IQCE: variants seen among roughly 807,000 people sequenced by gnomAD.
IQCE encodes IQ motif containing E, also known as IQ domain-containing protein E.
IQCE carries 115 observed loss-of-function variants against 96.0 expected under a neutral mutation model. The observed-to-expected ratio is 1.20, with a 90% CI of 1.03 to 1.40. The LOEUF is 1.40. Ranked by LOEUF, IQCE falls within the 40% of genes most tolerant of loss-of-function variation. The pLI, the probability that IQCE is intolerant of heterozygous loss-of-function variation, is 0.00. For synonymous variants in IQCE, 412 were observed against 371.2 expected (o/e 1.11, Z -1.26); for missense variants, 1,041 against 909.1 (o/e 1.15, Z -1.87).
Position 2,582,008 on chromosome 7 carries a change from G to A in IQCE, c.631-572G>A, listed in dbSNP as rs148478570. The A allele has an allele frequency of 1.5e-3, 685 of 462,252 alleles. 7 individuals are homozygous for A. The highest frequency in any genetic ancestry group is 0.013 in the African/African-American group (630 of 49,886). The allele number at this position is 462,252 out of a possible 1,614,324, so 28.6% of individuals were successfully genotyped here. On this transcript the variant is annotated intron_variant, in intron 8 of 21. Transcript: ENST00000402050. ...ATTACAGGCGTGAGCCACCGCGCCC[G>A]GCAAAAGAATGTTCTTTAAAGAATA...
intron 16 of IQCE, among the ~76,000 whole-genome samples, chr7:2,595,580 C>T (rs1783965323): frequency 6.6e-6 from 1 of 152,198 alleles, no homozygotes; most frequent in Non-Finnish European, 1.5e-5. Context: ...CAGCTAGTCG[C>T]GGCGGCGTCT....
At chr7:2,576,161 T>C (rs1297734563) in intron 6 of IQCE, among the ~76,000 whole-genome samples, 3 of 152,202 alleles carry the variant, frequency 2.0e-5, no homozygotes, top group African/African-American at 4.8e-5. Context: ...GCATTCCAGA[T>C]TGTCTTTTGC....
intron 5 of IQCE, chr7:2,572,843 C>T (rs535656652): frequency 4.0e-5 from 17 of 424,066 alleles, no homozygotes; most frequent in African/African-American, 6.2e-5. Flanking sequence ...CGTGCCCGGC[C>T]TCTCTCTTTA....
At chr7:2,591,195 G>A (rs541374517) in intron 14 of IQCE, among the ~76,000 whole-genome samples, 11 of 152,094 alleles carry the variant, frequency 7.2e-5, no homozygotes, top group African/African-American at 2.4e-4. Flanking sequence ...CGAGGCTGCC[G>A]TGAGCTATAA....
At chr7:2,579,620 A>G (rs1782495656) in intron 8 of IQCE, among the ~76,000 whole-genome samples, 1 of 152,196 alleles carries the variant, frequency 6.6e-6, no homozygotes, top group Admixed American at 6.5e-5. Context: ...CTAGGACGGC[A>G]CAAAGTAAAT....
intron 16 of IQCE, 58 bp downstream of exon 16, chr7:2,595,034 G>C: frequency 8.3e-7 from 1 of 1,205,188 alleles, no homozygotes; most frequent in Non-Finnish European, 1.2e-6. Flanking sequence ...TGGTCGTGAC[G>C]GTTCTGACCG....
rs868784030 is a variant in IQCE at position 2,598,687 on chromosome 7, G to T, written c.1608+55G>T. ...TCCCTGTGAGTCTTCGTGCTCCAAGGCAAGCCACTCACTCTCCAGGAATGA... is the reference window on the plus strand; with the variant it reads ...TCCCTGTGAGTCTTCGTGCTCCAAGTCAAGCCACTCACTCTCCAGGAATGA... On this transcript the variant is annotated intron_variant, in intron 17 of 21. Transcript: ENST00000402050. The T allele has an allele frequency of 3.5e-6, 5 of 1,408,786 alleles. No homozygotes were observed. The South Asian group carries it at 8.0e-5, about 23-fold the overall frequency. The allele number at this position is 1,408,786 out of a possible 1,614,324, so 87.3% of individuals were successfully genotyped here.
At position 2,586,006 on chromosome 7, in the gene IQCE, G is replaced by T. The variant is rs75584436; in HGVS notation, c.825-202G>T. 3.7e-3 allele frequency among the ~76,000 whole-genome samples: 419 copies of T among 114,312 alleles called. 5 individuals carry two copies. The highest frequency in any genetic ancestry group is 0.012 in the African/African-American group (386 of 32,026). 75.0% of individuals were successfully genotyped at this position (114,312 alleles called of 152,430 possible). ...ACACAGGTTTACCTTGCATAAGGAT[G>T]GGGTTCCATTTTGGGTGCTAACATT... On this transcript the variant is annotated intron_variant, in intron 11 of 21. Coordinates refer to ENST00000402050, the MANE Select transcript of IQCE (RefSeq NM_152558.5).
At position 2,596,480 on chromosome 7, in the gene IQCE, C is replaced by G. The variant is rs1328504575; in HGVS notation, c.1440+1504C>G. On this transcript the variant is annotated intron_variant, in intron 16 of 21. Coordinates refer to ENST00000402050, the MANE Select transcript of IQCE (RefSeq NM_152558.5). Reference sequence around the variant, plus strand: ...GCATGTATTAGCTTTGTGTTATTTTCCTACTCAGGAAACATTTCTATTTTA... The same window carrying G: ...GCATGTATTAGCTTTGTGTTATTTTGCTACTCAGGAAACATTTCTATTTTA... Among the ~76,000 whole-genome samples, 4 of 144,896 alleles carry G rather than the reference C, an allele frequency of 2.8e-5. No individual in the cohort carries two copies. The Admixed American group carries it at 2.8e-4, about 10-fold the overall frequency.
rs1164853724 is a variant in IQCE, at chr7:2,573,303, TTTC to T, written c.395-109_395-107del. 4.7e-6 allele frequency: 3 copies of T among 635,760 alleles called. No homozygotes were observed. The South Asian group carries it at 5.4e-5, about 11-fold the overall frequency. The allele number at this position is 635,760 out of a possible 1,614,324, so 39.4% of individuals were successfully genotyped here. The stretch of plus-strand genomic sequence containing the variant: ...CATGGAATTATTTTGGCTTTTTTAT[TTTC>T]TTCTTTTTTAAAAGGAAATGTTACT... On this transcript the variant is annotated intron_variant, in intron 5 of 21. Coordinates refer to ENST00000402050, the MANE Select transcript of IQCE (RefSeq NM_152558.5).
chr7:2,597,450 C>T (rs1025005153), intron 16 of IQCE, among the ~76,000 whole-genome samples: 2 of 152,256 alleles, frequency 1.3e-5, no homozygotes, highest in African/African-American at 4.8e-5. Flanking sequence ...CAGAGCAAGC[C>T]GTTCTGTGTT....
At chr7:2,577,335 T>G (rs1022675940) in intron 6 of IQCE, among the ~76,000 whole-genome samples, 5 of 125,950 alleles carry the variant, frequency 4.0e-5, no homozygotes, top group Non-Finnish European at 9.5e-5. Context: ...CGTATACACA[T>G]TGGCGTGTGC....
rs763769023 is a variant in IQCE at position 2,577,467 on chromosome 7, CT to C, written c.466-774del. Among the ~76,000 whole-genome samples the C allele has an allele frequency of 1.4e-3, 93 of 67,998 alleles. 1 individual carries two copies. Among genetic ancestry groups the C allele is most frequent in the Middle Eastern group, 0.012 (1 of 84 alleles). 44.6% of individuals were successfully genotyped at this position (67,998 alleles called of 152,430 possible). On this transcript the variant is annotated intron_variant, in intron 6 of 21. Coordinates refer to ENST00000402050, the MANE Select transcript of IQCE (RefSeq NM_152558.5). ...ATGTACTTGGCTGTGCGCGCGGGGA[CT>C]GTGTGCGGCGTATACGCATTGGCGT...
At chr7:2,607,797 G>C (rs1381083244) in intron 21 of IQCE, among the ~76,000 whole-genome samples, 1 of 152,208 alleles carries the variant, frequency 6.6e-6, no homozygotes, top group Non-Finnish European at 1.5e-5. Context: ...TTGAGATCCC[G>C]TGTCTTATCC....
At chr7:2,561,490 G>A (rs1251594151) in intron 1 of IQCE, among the ~76,000 whole-genome samples, 1 of 147,894 alleles carries the variant, frequency 6.8e-6, no homozygotes, top group Non-Finnish European at 1.5e-5. Context: ...GCGCGATCTC[G>A]GCTCACTGCA....
At chr7:2,580,656 T>G (rs1341285877) in intron 8 of IQCE, among the ~76,000 whole-genome samples, 1 of 151,586 alleles carries the variant, frequency 6.6e-6, no homozygotes, top group Non-Finnish European at 1.5e-5. Context: ...ATAGAGATAC[T>G]GTGGGAAATA....
At chr7:2,588,734 G>A (rs915973778) in intron 13 of IQCE, among the ~76,000 whole-genome samples, 15 of 128,946 alleles carry the variant, frequency 1.2e-4, no homozygotes, top group Non-Finnish European at 1.7e-4. Context: ...GCGTAATCTC[G>A]GCTCACTGCA....
intron 16 of IQCE, among the ~76,000 whole-genome samples, chr7:2,597,665 A>G (rs1355421432): frequency 6.6e-6 from 1 of 152,120 alleles, no homozygotes; most frequent in Non-Finnish European, 1.5e-5. Context: ...TAGAAATCAT[A>G]ATTTTTCTTT....
intron 16 of IQCE, 65 bp from the exon 17 acceptor site, chr7:2,598,400 C>T: frequency 1.4e-6 from 2 of 1,456,838 alleles, no homozygotes; most frequent in Admixed American, 2.3e-5. Context: ...ATCCTGTCCC[C>T]TTGCCGGATA....
Sources: allele counts gnomAD v4.1 joint callset (sites outside exome capture counted in the v4.1 genomes callset), GRCh38; gene constraint gnomAD v4.1.1; transcripts MANE v1.5; gene names NCBI Gene and HGNC (gene_info 2026-07-23, HGNC 2026-07-21).